Variants in CACNA2D3 observed in about 807,000 individuals in gnomAD.
The protein encoded by CACNA2D3 is calcium voltage-gated channel auxiliary subunit alpha2delta 3, also known as voltage-dependent calcium channel subunit alpha-2/delta-3.
CACNA2D3 carries 60 observed loss-of-function variants against 160.6 expected under a neutral mutation model. The ratio of observed to expected loss-of-function variants is 0.37; its 90% confidence interval spans 0.30 to 0.46. The LOEUF (loss-of-function observed/expected upper bound fraction) is 0.46. Among genes scored for constraint, CACNA2D3 ranks in the 20% least tolerant of loss-of-function variants. The probability of loss-of-function intolerance (pLI) is 1.00; values close to 1 mark genes in which losing one functional copy is unlikely to be tolerated. For synonymous variants in CACNA2D3, 558 were observed against 492.9 expected (o/e 1.13, Z -1.75); for missense variants, 1,205 against 1,365.0 (o/e 0.88, Z 1.85).
At chr3:54,455,937 T>A (rs1333964243) in intron 4 of CACNA2D3, among the ~76,000 whole-genome samples, 2 of 152,082 alleles carry the variant, frequency 1.3e-5, no homozygotes. Flanking sequence ...GGTCTATGTG[T>A]CTGTTTTTAT....
At chr3:55,058,907 C>A (rs9876675) in intron 35 of CACNA2D3, among the ~76,000 whole-genome samples, 1 of 152,036 alleles carries the variant, frequency 6.6e-6, no homozygotes, top group African/African-American at 2.4e-5. Context: ...AGGATTTAAA[C>A]GGTGTGATAC....
chr3:54,465,938 A>T (rs1012142221), intron 4 of CACNA2D3, among the ~76,000 whole-genome samples: 4 of 152,272 alleles, frequency 2.6e-5, no homozygotes, highest in Admixed American at 1.3e-4. Context: ...CTGTTGGAAG[A>T]ATTCAGTTTC....
chr3:54,174,088 T>C (rs1334656510), intron 2 of CACNA2D3, among the ~76,000 whole-genome samples: 1 of 152,168 alleles, frequency 6.6e-6, no homozygotes, highest in Admixed American at 6.5e-5. Flanking sequence ...CTCTATATAT[T>C]TGTAGCACGA....
chr3:54,660,451 C>T lies in CACNA2D3; in HGVS notation c.1167+18210C>T, dbSNP rs989939788. Among the ~76,000 whole-genome samples the T allele has an allele frequency of 5.3e-5, 8 of 152,196 alleles. No homozygotes were observed. The South Asian group carries it at 1.4e-3, about 28-fold the overall frequency. ...CTGGGATTACAGGCGTGAGCCACCG[C>T]ACCCGGCTGCTTTCTAAGCTAACTT... On this transcript the variant is annotated intron_variant, in intron 11 of 37. Transcript: ENST00000474759.
chr3:55,056,015 A>G (rs915038288), intron 35 of CACNA2D3, among the ~76,000 whole-genome samples: 2 of 152,204 alleles, frequency 1.3e-5, no homozygotes, highest in African/African-American at 2.4e-5. Flanking sequence ...TAGACAATCT[A>G]CAGATTGAGA....
intron 14 of CACNA2D3, among the ~76,000 whole-genome samples, chr3:54,830,611 C>A (rs963560853): frequency 6.6e-6 from 1 of 151,984 alleles, no homozygotes; most frequent in African/African-American, 2.4e-5. Flanking sequence ...GCCCCCACCA[C>A]GCCCAGCTAA....
At chr3:54,647,449 G>C (rs2106857395) in intron 11 of CACNA2D3, among the ~76,000 whole-genome samples, 1 of 152,302 alleles carries the variant, frequency 6.6e-6, no homozygotes, top group South Asian at 2.1e-4. Flanking sequence ...CATGGTATCA[G>C]GTGGGGTCCC....
At chr3:54,980,754 C>A (rs1453350463) in intron 29 of CACNA2D3, among the ~76,000 whole-genome samples, 6 of 152,152 alleles carry the variant, frequency 3.9e-5, no homozygotes, top group Admixed American at 3.9e-4. Context: ...GTAAGCTGAA[C>A]AATTTTCAAA....
At chr3:54,873,389 A>AT (rs61306975) in intron 18 of CACNA2D3, among the ~76,000 whole-genome samples, 17,310 of 151,248 alleles carry the variant, frequency 0.11, 2,179 homozygotes, top group African/African-American at 0.31. Flanking sequence ...CTGTTGATTT[A>AT]TTTTTTTTGT....
chr3:54,253,228 CTA>C (rs1702230265), intron 2 of CACNA2D3, among the ~76,000 whole-genome samples: 1 of 151,604 alleles, frequency 6.6e-6, no homozygotes, highest in South Asian at 2.1e-4. Context: ...GGGTGGGTCT[CTA>C]TTAGTGTGTT....
At chr3:54,613,585 A>T (rs886194545) in intron 9 of CACNA2D3, among the ~76,000 whole-genome samples, 1 of 152,232 alleles carries the variant, frequency 6.6e-6, no homozygotes, top group Non-Finnish European at 1.5e-5. Context: ...AACCTACAGC[A>T]TGTCATTCCA....
At chr3:55,013,411 A>C (rs1165281937) in intron 34 of CACNA2D3, among the ~76,000 whole-genome samples, 1 of 152,214 alleles carries the variant, frequency 6.6e-6, no homozygotes, top group Admixed American at 6.5e-5. Context: ...TTTATGGATG[A>C]AGAAAAGAAA....
At chr3:54,822,832 T>TTTTCTTTCTTTC (rs60981421) in intron 14 of CACNA2D3, among the ~76,000 whole-genome samples, 55 of 58,018 alleles carry the variant, frequency 9.5e-4, no homozygotes, top group African/African-American at 1.8e-3. Context: ...TCTTTCTTTC[T>TTTTCTTTCTTTC]TTTCTTTCTT....
At chr3:55,036,722 T>C (rs1703824723) in intron 35 of CACNA2D3, among the ~76,000 whole-genome samples, 1 of 152,074 alleles carries the variant, frequency 6.6e-6, no homozygotes, top group Admixed American at 6.6e-5. Flanking sequence ...CACCTCGGCT[T>C]CCCAAAGTGC....
In CACNA2D3 at chr3:55,033,813, T is replaced by C. The variant is rs74219316; in HGVS notation, c.2987+15496T>C. On this transcript the variant is annotated intron_variant, in intron 35 of 37. Coordinates refer to ENST00000474759, the MANE Select transcript of CACNA2D3 (RefSeq NM_018398.3). Reference sequence around the variant, plus strand: ...AATATATTTTATATAATATGTATTATATATTAAATATATTTAATATATAAT... The same window carrying C: ...AATATATTTTATATAATATGTATTACATATTAAATATATTTAATATATAAT... Among the ~76,000 whole-genome samples, 121 of 61,306 alleles carry C rather than the reference T, an allele frequency of 2.0e-3. 4 individuals carry two copies. Among genetic ancestry groups the C allele is most frequent in the South Asian group, 2.8e-3 (7 of 2,488 alleles). 40.2% of individuals were successfully genotyped at this position (61,306 alleles called of 152,430 possible).
At chr3:54,482,234 G>T (rs540838753) in intron 4 of CACNA2D3, among the ~76,000 whole-genome samples, 1 of 152,280 alleles carries the variant, frequency 6.6e-6, no homozygotes, top group East Asian at 1.9e-4. Context: ...TCTGTAAGTT[G>T]AAATTTTTGT....
chr3:54,717,762 G>C (rs1251345814), intron 11 of CACNA2D3, among the ~76,000 whole-genome samples: 1 of 134,666 alleles, frequency 7.4e-6, no homozygotes, highest in Non-Finnish European at 1.6e-5. Flanking sequence ...GTGTGCAAGC[G>C]TGTGTGTGGT....
At chr3:54,569,432 A>G (rs1047844756) in intron 6 of CACNA2D3, among the ~76,000 whole-genome samples, 1 of 141,506 alleles carries the variant, frequency 7.1e-6, no homozygotes, top group Non-Finnish European at 1.6e-5. Flanking sequence ...CCAGAGATCT[A>G]TGGATGATCC....
chr3:54,302,736 C>A (rs565553708), intron 2 of CACNA2D3, among the ~76,000 whole-genome samples: 20 of 152,054 alleles, frequency 1.3e-4, no homozygotes, highest in African/African-American at 4.8e-4. Flanking sequence ...TGTGACCTCA[C>A]CCTCTCCTGT....
Sources: gnomAD v4.1 joint callset for allele counts (sites outside exome capture counted in the v4.1 genomes callset) on GRCh38, gnomAD v4.1.1 for gene constraint, MANE v1.5 for transcripts, NCBI Gene and HGNC (gene_info 2026-07-23, HGNC 2026-07-21) for gene names.